The following KDELR3 variants were observed in gnomAD, a reference collection of about 807,000 sequenced individuals.
The protein encoded by KDELR3 is KDEL endoplasmic reticulum protein retention receptor 3, also known as ER lumen protein-retaining receptor 3.
A neutral mutation model predicts 22.7 loss-of-function variants in KDELR3; 26 were observed. The ratio of observed to expected loss-of-function variants is 1.15; its 90% CI spans 0.84 to 1.59. The LOEUF (loss-of-function observed/expected upper bound fraction) is 1.59. KDELR3 is among the 40% of genes most tolerant of loss of function. The probability of loss-of-function intolerance (pLI) is 0.00; values close to 1 mark genes in which losing one functional copy is unlikely to be tolerated. For missense variants in KDELR3, 289 were observed against 251.1 expected, an observed-to-expected ratio of 1.15 and a Z score of -1.02; for synonymous variants, 120 against 98.2, an observed-to-expected ratio of 1.22 and a Z score of -1.31.
At chr22:38,481,815 C>T (rs1286289706) in intron 4 of KDELR3, among the ~76,000 whole-genome samples, 2 of 152,192 alleles carry the variant, frequency 1.3e-5, no homozygotes, top group Non-Finnish European at 1.5e-5. Context: ...GGAGATGAGT[C>T]AACCAAGACC....
chr22:38,469,408 C>T (rs115957164), intron 1 of KDELR3, among the ~76,000 whole-genome samples: 5 of 152,230 alleles, frequency 3.3e-5, no homozygotes, highest in African/African-American at 1.2e-4. Context: ...GGGGCCTGAA[C>T]AGGTTGCTTT....
At chr22:38,481,539 A>G (rs1410717128) in intron 4 of KDELR3, 75 bp downstream of exon 4, 4 of 1,601,826 alleles carry the variant, frequency 2.5e-6, no homozygotes, top group Non-Finnish European at 3.4e-6. Context: ...ATTCCAGCAG[A>G]TACAGATGTG....
intron 2 of KDELR3, among the ~76,000 whole-genome samples, chr22:38,477,177 T>C (rs1473814673): frequency 2.0e-5 from 3 of 149,182 alleles, no homozygotes; most frequent in Non-Finnish European, 4.4e-5. Context: ...CCTCCCAAAG[T>C]GTTGGGATTA....
At chr22:38,471,495 C>T (rs1400333518) in intron 1 of KDELR3, among the ~76,000 whole-genome samples, 2 of 152,168 alleles carry the variant, frequency 1.3e-5, no homozygotes, top group South Asian at 2.1e-4. Flanking sequence ...GCGTGCTAGA[C>T]CCCCCAGAGG....
intron 1 of KDELR3, among the ~76,000 whole-genome samples, chr22:38,470,739 G>C (rs1441499343): frequency 6.6e-6 from 1 of 152,144 alleles, no homozygotes; most frequent in Non-Finnish European, 1.5e-5. Flanking sequence ...AGTGGACCCC[G>C]GAGGGACTCT....
Position 38,482,601 on chromosome 22 carries a change from T to C in KDELR3, c.*65T>C. 7.3e-7 allele frequency: 1 copy of C among 1,376,812 alleles called. No homozygotes were observed. The highest frequency in any genetic ancestry group is 1.0e-6 in the Non-Finnish European group (1 of 970,780). 85.3% of individuals were successfully genotyped at this position (1,376,812 alleles called of 1,614,324 possible). ...AGGAAACTATTTTGAATGTTCTCTTTGGCAACTTATCCATAATTTGGGATC... is the reference window on the plus strand; with the variant it reads ...AGGAAACTATTTTGAATGTTCTCTTCGGCAACTTATCCATAATTTGGGATC... On this transcript the variant is annotated 3_prime_UTR_variant, in exon 5 of 5. Transcript: ENST00000216014.
At chr22:38,476,989 A>G (rs2089564199) in intron 2 of KDELR3, among the ~76,000 whole-genome samples, 2 of 150,276 alleles carry the variant, frequency 1.3e-5, no homozygotes, top group South Asian at 2.1e-4. Flanking sequence ...GGCTCATTGC[A>G]ACCTCCACCT....
At chr22:38,474,488 T>C (rs1240900296) in intron 1 of KDELR3, 35 bp from the exon 2 acceptor site, 9 of 1,557,028 alleles carry the variant, frequency 5.8e-6, no homozygotes, top group Admixed American at 3.3e-5. Context: ...TGGGAGTCTG[T>C]GTCCTCATTG....
At chr22:38,477,611 A>G (rs954024917) in intron 2 of KDELR3, among the ~76,000 whole-genome samples, 2 of 152,210 alleles carry the variant, frequency 1.3e-5, no homozygotes, top group South Asian at 2.1e-4. Context: ...ATATTTAACT[A>G]AAGTGAGTTG....
At chr22:38,468,548 C>T (rs920655401) in intron 1 of KDELR3, among the ~76,000 whole-genome samples, 4 of 152,210 alleles carry the variant, frequency 2.6e-5, no homozygotes, top group Non-Finnish European at 5.9e-5. Flanking sequence ...TGTTCCTGCA[C>T]AGACGCCCCC....
chr22:38,482,075 G>C (rs1174468097), intron 4 of KDELR3, among the ~76,000 whole-genome samples: 1 of 152,184 alleles, frequency 6.6e-6, no homozygotes, highest in East Asian at 1.9e-4. Flanking sequence ...TGATTGCCAA[G>C]GGCAGGTATT....
rs780606028 is a variant in KDELR3 at position 38,483,300 on chromosome 22, ATTAAG to A, written c.*767_*771del. 4.6e-5 allele frequency: 7 copies of A among 152,128 alleles called. No homozygotes were observed. The highest frequency in any genetic ancestry group is 1.4e-4 in the African/African-American group (6 of 41,382). The allele number at this position is 152,128 out of a possible 1,614,324, so 9.4% of individuals were successfully genotyped here. A position where few individuals can be genotyped will look rare whatever the true frequency, so the allele number is the denominator to read the frequency against. On this transcript the variant is annotated 3_prime_UTR_variant, in exon 5 of 5. Coordinates refer to ENST00000216014, the MANE Select transcript of KDELR3 (RefSeq NM_006855.4). ...TAGGGTTTTCAATTCCAATTCTTGTATTAAGTTTTTTCCTTTCAGTTTTAGGTGCG... is the reference window on the plus strand; with the variant it reads ...TAGGGTTTTCAATTCCAATTCTTGTATTTTTTCCTTTCAGTTTTAGGTGCG...
intron 3 of KDELR3, among the ~76,000 whole-genome samples, chr22:38,480,574 T>C (rs1469446771): frequency 1.3e-5 from 2 of 151,682 alleles, no homozygotes; most frequent in Non-Finnish European, 2.9e-5. Context: ...AGTGAAACCC[T>C]GTCTCTACTG....
chr22:38,474,654 A>G, intron 2 of KDELR3, 31 bp downstream of exon 2: 1 of 1,544,500 alleles, frequency 6.5e-7, no homozygotes, highest in Non-Finnish European at 8.9e-7. Context: ...GGTTGGGGGA[A>G]GCCACCAAGC....
chr22:38,474,955 C>T (rs1302120740), intron 2 of KDELR3, among the ~76,000 whole-genome samples: 1 of 151,734 alleles, frequency 6.6e-6, no homozygotes, highest in Non-Finnish European at 1.5e-5. Context: ...TGGCTCATGC[C>T]TGCAGTCCCA....
chr22:38,480,587 A>G (rs1384516816), intron 3 of KDELR3, among the ~76,000 whole-genome samples: 1 of 151,888 alleles, frequency 6.6e-6, no homozygotes, highest in African/African-American at 2.4e-5. Flanking sequence ...CTCTACTGAA[A>G]AATAGAAAAA....
In KDELR3 at chr22:38,474,538, G is replaced by T; in HGVS notation, c.107G>T (p.Ser36Ile). 1 of 1,613,920 alleles carries T rather than the reference G, an allele frequency of 6.2e-7. No individual in the cohort carries two copies. Among genetic ancestry groups the T allele is most frequent in the South Asian group, 1.1e-5 (1 of 91,078 alleles). ...SKCCKGISGKSQILFALVFTT... is the reference protein window; with the variant it reads ...SKCCKGISGKIQILFALVFTT... ...TTGGCCACAGGCATCTCTGGGAAGA[G>T]CCAGATCCTGTTTGCTCTCGTCTTC... Residue 36 changes from serine (S) to isoleucine (I), a missense_variant, in exon 2 of 5, where the codon AGC becomes ATC. Coordinates refer to ENST00000216014, the MANE Select transcript of KDELR3 (RefSeq NM_006855.4).
At position 38,468,265 on chromosome 22, in the gene KDELR3, G is replaced by A. The variant is rs1217037383; in HGVS notation, c.32G>A (p.Ser11Asn). The change falls in exon 1 of 5, where the codon AGC becomes AAC. Residue 11 changes from serine to asparagine, a missense_variant. Transcript: ENST00000216014. ...GTGTTCCGAATCCTCGGCGACCTGA[G>A]CCACCTCCTGGCCATGATCTTGCTG... is the stretch of plus-strand genomic sequence containing the variant. The part of the protein sequence containing the change: MNVFRILGDL[S>N]HLLAMILLLG... 6.2e-7 allele frequency: 1 copy of A among 1,613,874 alleles called. No individual in the cohort carries two copies. The highest frequency in any genetic ancestry group is 1.1e-5 in the South Asian group (1 of 91,080).
At chr22:38,479,002 A>G (rs1055974357) in intron 2 of KDELR3, among the ~76,000 whole-genome samples, 3 of 152,226 alleles carry the variant, frequency 2.0e-5, no homozygotes, top group Non-Finnish European at 2.9e-5. Context: ...GTTGGAGGCC[A>G]TATCAAAATG....
Sources: allele counts gnomAD v4.1 joint callset (sites outside exome capture counted in the v4.1 genomes callset), GRCh38; gene constraint gnomAD v4.1.1; transcripts MANE v1.5; gene names NCBI Gene and HGNC (gene_info 2026-07-23, HGNC 2026-07-21).